ANAPC10: variants seen among roughly 807,000 people sequenced by gnomAD.
The protein encoded by ANAPC10 is anaphase-promoting complex subunit 10.
In ANAPC10, 12 loss-of-function variants were observed where a neutral mutation model predicts 22.0. The observed-to-expected ratio is 0.55, with a 90% confidence interval of 0.35 to 0.88. ANAPC10 has a LOEUF of 0.88. Ranked by LOEUF, ANAPC10 falls within the 40% of genes least tolerant of loss-of-function variation. The pLI is 0.01. For missense variants in ANAPC10, 188 were observed against 220.9 expected, an observed-to-expected ratio of 0.85 and a Z score of 0.94; for synonymous variants, 65 against 69.5, an observed-to-expected ratio of 0.94 and a Z score of 0.32.
intron 4 of ANAPC10, among the ~76,000 whole-genome samples, chr4:145,029,234 C>T (rs981024902): frequency 3.3e-5 from 5 of 152,134 alleles, no homozygotes; most frequent in African/African-American, 1.2e-4. Context: ...CTCCCCGACC[C>T]ACACTGCCAT....
chr4:145,020,553 T>A (rs1436807987), intron 4 of ANAPC10, among the ~76,000 whole-genome samples: 1 of 152,138 alleles, frequency 6.6e-6, no homozygotes, highest in African/African-American at 2.4e-5. Flanking sequence ...CCACTCGTCT[T>A]CAACATAGTA....
intron 3 of ANAPC10, among the ~76,000 whole-genome samples, chr4:145,077,709 T>G (rs563140162): frequency 1.3e-5 from 2 of 152,270 alleles, no homozygotes; most frequent in African/African-American, 4.8e-5. Context: ...GGATGTAAGA[T>G]AGGCTCCACA....
chr4:145,032,352 G>A (rs1578973057), intron 4 of ANAPC10, among the ~76,000 whole-genome samples: 1 of 152,350 alleles, frequency 6.6e-6, no homozygotes, highest in African/African-American at 2.4e-5. Context: ...TTCATGGGCT[G>A]TAGCCAATGG....
rs76692448 is a variant in ANAPC10 at position 145,036,757 on chromosome 4, T to G, written c.327+27815A>C. The stretch of plus-strand genomic sequence containing the variant: ...AAATAAAAAACTATGACTTAGTAAG[T>G]TAGCAAAACAAAAAAAGAAAGGCAG... On this transcript the variant is annotated intron_variant, in intron 4 of 4. Coordinates refer to ENST00000507656, the MANE Select transcript of ANAPC10 (RefSeq NM_001256706.2). 4.3e-3 allele frequency among the ~76,000 whole-genome samples: 649 copies of G among 152,136 alleles called. 7 individuals are homozygous for G. Among genetic ancestry groups the G allele is most frequent in the African/African-American group, 0.015 (614 of 41,516 alleles).
intron 4 of ANAPC10, among the ~76,000 whole-genome samples, chr4:145,034,810 C>T (rs1399704457): frequency 1.3e-5 from 2 of 151,850 alleles, no homozygotes; most frequent in African/African-American, 2.4e-5. Flanking sequence ...TCTGATGAAA[C>T]TGTCTGTCAG....
intron 4 of ANAPC10, among the ~76,000 whole-genome samples, chr4:145,056,082 G>C (rs78097416): frequency 1.1e-4 from 16 of 152,070 alleles, no homozygotes; most frequent in African/African-American, 3.9e-4. Flanking sequence ...TCTTGAATAC[G>C]AGCTGGGTAA....
At chr4:145,060,074 T>A (rs1399444067) in intron 4 of ANAPC10, among the ~76,000 whole-genome samples, 1 of 151,912 alleles carries the variant, frequency 6.6e-6, no homozygotes, top group African/African-American at 2.4e-5. Flanking sequence ...TGCTAAATTA[T>A]CACTTCTATA....
chr4:145,019,956 C>CA (rs1000009618), intron 4 of ANAPC10, among the ~76,000 whole-genome samples: 10 of 150,006 alleles, frequency 6.7e-5, no homozygotes, highest in East Asian at 2.0e-4. Context: ...AAATTATCAA[C>CA]AAAAAAAAAG....
At chr4:145,015,980 C>G (rs1355454606) in intron 4 of ANAPC10, among the ~76,000 whole-genome samples, 1 of 152,044 alleles carries the variant, frequency 6.6e-6, no homozygotes, top group Non-Finnish European at 1.5e-5. Flanking sequence ...CAAAACAGAA[C>G]CTCTTTAAAG....
chr4:145,036,676 T>C (rs1738591357), intron 4 of ANAPC10, among the ~76,000 whole-genome samples: 1 of 152,108 alleles, frequency 6.6e-6, no homozygotes, highest in African/African-American at 2.4e-5. Context: ...ACATACATGT[T>C]TTACTGTAGT....
At chr4:145,029,127 G>A (rs1737169700) in intron 4 of ANAPC10, among the ~76,000 whole-genome samples, 1 of 152,138 alleles carries the variant, frequency 6.6e-6, no homozygotes, top group Non-Finnish European at 1.5e-5. Context: ...AAGAGTGGGA[G>A]GACTCTGATG....
chr4:145,069,246 T>G (rs1325804417), intron 3 of ANAPC10, among the ~76,000 whole-genome samples: 1 of 152,046 alleles, frequency 6.6e-6, no homozygotes, highest in Non-Finnish European at 1.5e-5. Flanking sequence ...TACAAACAAC[T>G]GAGTTTTCTG....
intron 4 of ANAPC10, among the ~76,000 whole-genome samples, chr4:145,007,154 C>T (rs1161683715): frequency 6.6e-6 from 1 of 152,086 alleles, no homozygotes; most frequent in African/African-American, 2.4e-5. Flanking sequence ...TCCTTAGAGA[C>T]ATACAAAGAG....
intron 4 of ANAPC10, among the ~76,000 whole-genome samples, chr4:145,003,339 T>C (rs1369882910): frequency 6.6e-6 from 1 of 152,198 alleles, no homozygotes; most frequent in East Asian, 1.9e-4. Flanking sequence ...GCAATGAACA[T>C]ACATGTGCAT....
At chr4:145,007,577 A>G (rs1425893067) in intron 4 of ANAPC10, among the ~76,000 whole-genome samples, 1 of 152,224 alleles carries the variant, frequency 6.6e-6, no homozygotes, top group Non-Finnish European at 1.5e-5. Context: ...CTGAATGACT[A>G]CTGGGTACAT....
Position 144,998,087 on chromosome 4 carries a change from C to T in ANAPC10, c.328-2484G>A, listed in dbSNP as rs186503553. On this transcript the variant is annotated intron_variant, in intron 4 of 4. Transcript: ENST00000507656. ...AGCACCCAGATTCATAAAGCAAGTCCTTAGAGATCTATAAAGAGACTTAGA... is the reference window on the plus strand; with the variant it reads ...AGCACCCAGATTCATAAAGCAAGTCTTTAGAGATCTATAAAGAGACTTAGA... Among the ~76,000 whole-genome samples the T allele has an allele frequency of 4.4e-3, 667 of 152,248 alleles. 3 individuals carry two copies. The highest frequency in any genetic ancestry group is 0.015 in the African/African-American group (613 of 41,544).
chr4:145,096,031 C>T lies in ANAPC10; in HGVS notation c.69G>A (p.Arg23=), dbSNP rs1488570503. 2 of 1,614,000 alleles carry T rather than the reference C, an allele frequency of 1.2e-6. No homozygotes were observed. Among genetic ancestry groups the T allele is most frequent in the Non-Finnish European group, 1.7e-6 (2 of 1,179,994 alleles). The change falls in exon 2 of 5, where the codon CGG becomes CGA. Residue 23 remains arginine (R), a synonymous_variant. Coordinates refer to ENST00000507656, the MANE Select transcript of ANAPC10 (RefSeq NM_001256706.2). ...PKQLERTGTV[R]EIGSQAVWSL... The stretch of plus-strand genomic sequence containing the variant: ...ACCAAACAGCTTGTGACCCAATTTC[C>T]CGTACTGTTCCAGTCCTTTCCAACT...
intron 4 of ANAPC10, among the ~76,000 whole-genome samples, chr4:145,032,578 T>C (rs1737782371): frequency 6.6e-6 from 1 of 152,146 alleles, no homozygotes; most frequent in Non-Finnish European, 1.5e-5. Context: ...CCACACAACC[T>C]CTTTCCCCAG....
rs17019860 is a variant in ANAPC10 at position 145,047,021 on chromosome 4, A to G, written c.327+17551T>C. Reference sequence around the variant, plus strand: ...AGTTATATTGACTAAGAATCTATACATATTAGGTTCATGGTAGATGTTTTT... The same window carrying G: ...AGTTATATTGACTAAGAATCTATACGTATTAGGTTCATGGTAGATGTTTTT... On this transcript the variant is annotated intron_variant, in intron 4 of 4. Transcript: ENST00000507656. Among the ~76,000 whole-genome samples, 927 of 152,234 alleles carry G rather than the reference A, an allele frequency of 6.1e-3. 11 individuals carry two copies. The highest frequency in any genetic ancestry group is 0.022 in the African/African-American group (901 of 41,560).
Sources: allele counts gnomAD v4.1 joint callset (sites outside exome capture counted in the v4.1 genomes callset), GRCh38; gene constraint gnomAD v4.1.1; transcripts MANE v1.5; gene names NCBI Gene and HGNC (gene_info 2026-07-23, HGNC 2026-07-21).